Variants in RO60 observed in about 807,000 individuals in gnomAD.
The protein encoded by RO60 is RNA-binding protein RO60.
RO60 carries 20 observed loss-of-function variants against 55.3 expected under a neutral mutation model. The ratio of observed to expected loss-of-function variants is 0.36; its 90% confidence interval spans 0.25 to 0.53. RO60 has a LOEUF of 0.53. RO60 is among the 20% of genes least tolerant of loss of function. The pLI, the probability that RO60 is intolerant of heterozygous loss-of-function variation, is 0.92. For synonymous variants in RO60, 213 were observed against 213.6 expected (o/e 1.00, Z 0.02); for missense variants, 558 against 646.6 (o/e 0.86, Z 1.49).
chr1:193,067,887 G>C (rs1673224420), intron 1 of RO60, among the ~76,000 whole-genome samples: 1 of 152,064 alleles, frequency 6.6e-6, no homozygotes, highest in Non-Finnish European at 1.5e-5. Context: ...GTATAAGCAG[G>C]GCAGTTTCAG....
chr1:193,068,500 G>A (rs1025650900), intron 1 of RO60, among the ~76,000 whole-genome samples: 1 of 152,222 alleles, frequency 6.6e-6, no homozygotes, highest in Admixed American at 6.5e-5. Flanking sequence ...ATGAATGTTA[G>A]ATAGGCAACC....
chr1:193,066,521 G>T (rs965758454), intron 1 of RO60, among the ~76,000 whole-genome samples: 6 of 152,072 alleles, frequency 3.9e-5, no homozygotes, highest in African/African-American at 1.4e-4. Flanking sequence ...CTTTTCCTCT[G>T]ACCATTTGAA....
At chr1:193,065,979 G>A (rs2103024222) in intron 1 of RO60, among the ~76,000 whole-genome samples, 1 of 152,214 alleles carries the variant, frequency 6.6e-6, no homozygotes, top group African/African-American at 2.4e-5. Context: ...CCCTCTCTGA[G>A]ACCCAGTCTT....
Position 193,084,790 on chromosome 1 carries a change from A to G in RO60, c.*59A>G, listed in dbSNP as rs1674547281. 1 of 1,575,348 alleles carries G rather than the reference A, an allele frequency of 6.3e-7. No individual in the cohort carries two copies. The highest frequency in any genetic ancestry group is 8.6e-7 in the Non-Finnish European group (1 of 1,162,726). On this transcript the variant is annotated 3_prime_UTR_variant, in exon 9 of 9. Transcript: ENST00000400968. ...CCATCAGTGATCTCACTAAAAATAT[A>G]CAGCTACTTCCCAGCTAATCTCCAC...
intron 5 of RO60, 79 bp from the exon 6 acceptor site, chr1:193,081,285 A>T: frequency 1.3e-6 from 1 of 755,956 alleles, no homozygotes; most frequent in Middle Eastern, 3.6e-4. Context: ...TTAATGTAAG[A>T]TAAGTAAATA....
At position 193,085,904 on chromosome 1, in the gene RO60, C is replaced by A. The variant is rs924003918; in HGVS notation, c.*1173C>A. On this transcript the variant is annotated 3_prime_UTR_variant, in exon 9 of 9. Coordinates refer to ENST00000400968, the MANE Select transcript of RO60 (RefSeq NM_001173524.2). ...TATTATTTGTATGTATTAAACTTTTCATTACACTAAAGTGCATTATTTTAT... is the reference window on the plus strand; with the variant it reads ...TATTATTTGTATGTATTAAACTTTTAATTACACTAAAGTGCATTATTTTAT... 1.0e-6 allele frequency: 1 copy of A among 985,164 alleles called. No individual in the cohort carries two copies. The highest frequency in any genetic ancestry group is 1.7e-5 in the African/African-American group (1 of 57,340). 61.0% of individuals were successfully genotyped at this position (985,164 alleles called of 1,614,324 possible). A position where few individuals can be genotyped will look rare whatever the true frequency, so the allele number is the denominator to read the frequency against.
Position 193,060,156 on chromosome 1 carries a change from G to T in RO60, c.-22+380G>T, listed in dbSNP as rs546922027. 8.6e-6 allele frequency: 10 copies of T among 1,161,862 alleles called. No homozygotes were observed. In the East Asian group the frequency reaches 5.3e-4, roughly 62 times the overall value. 72.0% of individuals were successfully genotyped at this position (1,161,862 alleles called of 1,614,324 possible). A position where few individuals can be genotyped will look rare whatever the true frequency, so the allele number is the denominator to read the frequency against. On this transcript the variant is annotated intron_variant, in intron 1 of 8. Transcript: ENST00000400968. ...GGCGTCGCCCGGGATCTGGGTTTTG[G>T]AAGAAGGATCTTTGTGGGAAGACAG...
At position 193,084,911 on chromosome 1, in the gene RO60, C is replaced by CTT; in HGVS notation, c.*181_*182insTT. 6.7e-7 allele frequency: 1 copy of CTT among 1,496,964 alleles called. No individual in the cohort carries two copies. Among genetic ancestry groups the CTT allele is most frequent in the Middle Eastern group, 1.8e-4 (1 of 5,700 alleles). 92.7% of individuals were successfully genotyped at this position (1,496,964 alleles called of 1,614,324 possible). ...AAATAAGATGGGCCCAAAGGTCTAT[C>CTT]TACTAAACTAGCTCTTGGGGAAATA... On this transcript the variant is annotated 3_prime_UTR_variant, in exon 9 of 9. Transcript: ENST00000400968.
At chr1:193,075,289 C>CTTT (rs5779659) in intron 2 of RO60, among the ~76,000 whole-genome samples, 3 of 135,266 alleles carry the variant, frequency 2.2e-5, no homozygotes, top group Non-Finnish European at 3.2e-5. Context: ...TTACTGTTTC[C>CTTT]TTTTTTTTTT....
chr1:193,075,354 C>T (rs187006468), intron 2 of RO60, among the ~76,000 whole-genome samples: 1 of 146,644 alleles, frequency 6.8e-6, no homozygotes, highest in East Asian at 2.0e-4. Context: ...AAGAAGCTAC[C>T]CTGTCCACTT....
At chr1:193,060,147 T>TG in intron 1 of RO60, 1 of 1,181,038 alleles carries the variant, frequency 8.5e-7, no homozygotes, top group South Asian at 1.5e-5. Flanking sequence ...GCCCGGGATC[T>TG]GGGTTTTGGA....
At position 193,082,182 on chromosome 1, in the gene RO60, T is replaced by C; in HGVS notation, c.1204-4T>C. 6.2e-7 allele frequency: 1 copy of C among 1,601,578 alleles called. No homozygotes were observed. The highest frequency in any genetic ancestry group is 8.5e-7 in the Non-Finnish European group (1 of 1,172,404). On this transcript the variant is annotated splice_polypyrimidine_tract_variant and splice_region_variant and intron_variant, in intron 6 of 8. Transcript: ENST00000400968. ...CTGAAAATTACTGCCATTGAATTTT[T>C]CAGGTTGTCACACGAACAGAAAAAG...
intron 1 of RO60, among the ~76,000 whole-genome samples, chr1:193,062,903 G>T (rs1205434335): frequency 6.6e-6 from 1 of 152,070 alleles, no homozygotes; most frequent in Non-Finnish European, 1.5e-5. Flanking sequence ...CCATTGTATG[G>T]ATATACCATA....
At chr1:193,079,948 G>A (rs1167701348) in intron 5 of RO60, among the ~76,000 whole-genome samples, 1 of 148,440 alleles carries the variant, frequency 6.7e-6, no homozygotes, top group Non-Finnish European at 1.5e-5. Flanking sequence ...CCAACATGGT[G>A]ATACCCCGTC....
At chr1:193,063,887 TAC>T (rs1672943706) in intron 1 of RO60, among the ~76,000 whole-genome samples, 1 of 152,224 alleles carries the variant, frequency 6.6e-6, no homozygotes, top group African/African-American at 2.4e-5. Flanking sequence ...TACTTGCAAT[TAC>T]AGTTTTATTA....
intron 1 of RO60, among the ~76,000 whole-genome samples, chr1:193,064,470 T>A (rs1672982224): frequency 6.6e-6 from 1 of 152,236 alleles, no homozygotes; most frequent in Non-Finnish European, 1.5e-5. Context: ...GATGCCACAG[T>A]ATCACATCAC....
At chr1:193,072,710 A>AGT (rs1673605229) in intron 2 of RO60, among the ~76,000 whole-genome samples, 1 of 152,228 alleles carries the variant, frequency 6.6e-6, no homozygotes, top group African/African-American at 2.4e-5. Context: ...GTGTCTTGGA[A>AGT]GTGTGGAGCA....
chr1:193,062,894 C>T (rs553873949), intron 1 of RO60, among the ~76,000 whole-genome samples: 2 of 152,234 alleles, frequency 1.3e-5, no homozygotes, highest in East Asian at 3.9e-4. Flanking sequence ...AATAATAGTC[C>T]ATTGTATGGA....
Position 193,085,330 on chromosome 1 carries a change from TTA to T in RO60, c.*601_*602del. On this transcript the variant is annotated 3_prime_UTR_variant, in exon 9 of 9. Transcript: ENST00000400968. ...TTTCTTATTCAGTGAAAAAGATATT[TTA>T]TTTCTGATGTTTTATTTGCACTTGT... is the stretch of plus-strand genomic sequence containing the variant. 1 of 1,023,296 alleles carries T rather than the reference TTA, an allele frequency of 9.8e-7. No individual in the cohort carries two copies. The highest frequency in any genetic ancestry group is 1.2e-6 in the Non-Finnish European group (1 of 854,268). 63.4% of individuals were successfully genotyped at this position (1,023,296 alleles called of 1,614,324 possible).
Sources: allele counts gnomAD v4.1 joint callset (sites outside exome capture counted in the v4.1 genomes callset), GRCh38; gene constraint gnomAD v4.1.1; transcripts MANE v1.5; gene names NCBI Gene and HGNC (gene_info 2026-07-23, HGNC 2026-07-21).